Variants in SLC35B2 observed in about 807,000 individuals in gnomAD.
SLC35B2 encodes adenosine 3'-phospho 5'-phosphosulfate transporter 1.
In SLC35B2, 19 loss-of-function variants were observed where a neutral mutation model predicts 37.9. That is an observed-to-expected ratio of 0.50 (90% CI 0.35 to 0.74). SLC35B2 has a LOEUF of 0.74. SLC35B2 is among the 30% of genes least tolerant of loss of function. The probability of loss-of-function intolerance (pLI) is 0.01; values close to 1 mark genes in which losing one functional copy is unlikely to be tolerated. For synonymous variants in SLC35B2, 277 were observed against 225.2 expected (o/e 1.23, Z -2.06); for missense variants, 633 against 547.6 (o/e 1.16, Z -1.56).
At position 44,254,755 on chromosome 6, in the gene SLC35B2, T is replaced by TG; in HGVS notation, c.1249dup (p.Gln417ProfsTer10). ...AACAGGCACAGCCTTCTTTCCCCGT[T>TG]GCTTTAGACGGCCCCGCGCGTAGAC... On this transcript the variant is annotated frameshift_variant, in exon 4 of 4. Coordinates refer to ENST00000393812, the MANE Select transcript of SLC35B2 (RefSeq NM_178148.4). LOFTEE classifies it high-confidence loss of function. 6.2e-7 allele frequency: 1 copy of TG among 1,614,048 alleles called. No individual in the cohort carries two copies. The highest frequency in any genetic ancestry group is 8.5e-7 in the Non-Finnish European group (1 of 1,179,932).
chr6:44,254,860 GA>G lies in SLC35B2; in HGVS notation c.1144del (p.Ser382ProfsTer34). 6.2e-7 allele frequency: 1 copy of G among 1,614,204 alleles called. No homozygotes were observed. The highest frequency in any genetic ancestry group is 8.5e-7 in the Non-Finnish European group (1 of 1,180,040). On this transcript the variant is annotated frameshift_variant, in exon 4 of 4. Coordinates refer to ENST00000393812, the MANE Select transcript of SLC35B2 (RefSeq NM_178148.4). LOFTEE classifies it high-confidence loss of function. ...TLRQAFAILL[S>X]CLLYGHTVTV... ...GACAGTGTGGCCATAGAGAAGGCAG[GA>G]AAGAAGGATGGCAAAGGCCTGGCGG... is the stretch of plus-strand genomic sequence containing the variant.
chr6:44,257,490 C>A lies in SLC35B2; in HGVS notation c.-80G>T. The A allele has an allele frequency of 4.1e-6, 5 of 1,214,194 alleles. No individual in the cohort carries two copies. Among genetic ancestry groups the A allele is most frequent in the Non-Finnish European group, 5.2e-6 (5 of 964,878 alleles). The allele number at this position is 1,214,194 out of a possible 1,614,324, so 75.2% of individuals were successfully genotyped here. A position where few individuals can be genotyped will look rare whatever the true frequency, so the allele number is the denominator to read the frequency against. On this transcript the variant is annotated 5_prime_UTR_variant, in exon 1 of 4. Coordinates refer to ENST00000393812, the MANE Select transcript of SLC35B2 (RefSeq NM_178148.4). ...CGCGCCCCCTGCGCTCCCGCCGCCGCCTCCAGGAGCGGCCAGCGAGCCAGC... is the reference window on the plus strand; with the variant it reads ...CGCGCCCCCTGCGCTCCCGCCGCCGACTCCAGGAGCGGCCAGCGAGCCAGC...
At position 44,254,134 on chromosome 6, in the gene SLC35B2, T is replaced by C. The variant is rs1022502049; in HGVS notation, c.*572A>G. On this transcript the variant is annotated 3_prime_UTR_variant, in exon 4 of 4. Transcript: ENST00000393812. ...AGTAATTTAATTTAATAAAATAAAA[T>C]TATAAGAGCAAAAAGTTACATTTCT... is the stretch of plus-strand genomic sequence containing the variant. The C allele has an allele frequency of 4.6e-5, 10 of 216,558 alleles. No individual in the cohort carries two copies. The highest frequency in any genetic ancestry group is 9.5e-5 in the Non-Finnish European group (10 of 105,666). The allele number at this position is 216,558 out of a possible 1,614,324, so 13.4% of individuals were successfully genotyped here.
Position 44,255,612 on chromosome 6 carries a change from T to C in SLC35B2, c.393A>G (p.Glu131=), listed in dbSNP as rs1329054722. The part of the protein sequence containing the change: ...VSYLTWGVLQ[E]RVMTRSYGAT... ...CCCCATAGCTGCGGGTCATCACTCTTTCCTGCAGCACACCCCAAGTCAGAT... is the reference window on the plus strand; with the variant it reads ...CCCCATAGCTGCGGGTCATCACTCTCTCCTGCAGCACACCCCAAGTCAGAT... Residue 131 remains glutamate, a synonymous_variant, in exon 4 of 4, where the codon GAA becomes GAG. Transcript: ENST00000393812. 1.9e-6 allele frequency: 3 copies of C among 1,613,886 alleles called. No individual in the cohort carries two copies. The highest frequency in any genetic ancestry group is 2.2e-5 in the South Asian group (2 of 91,082).
In SLC35B2 at chr6:44,255,620, G is replaced by A. The variant is rs1353608100; in HGVS notation, c.385C>T (p.Leu129=). 2.5e-6 allele frequency: 4 copies of A among 1,613,836 alleles called. No homozygotes were observed. The South Asian group carries it at 3.3e-5, about 13-fold the overall frequency. ...CTGCGGGTCATCACTCTTTCCTGCAGCACACCCCAAGTCAGATAAGACACC... is the reference window on the plus strand; with the variant it reads ...CTGCGGGTCATCACTCTTTCCTGCAACACACCCCAAGTCAGATAAGACACC... ...LQVSYLTWGV[L]QERVMTRSYG... The change falls in exon 4 of 4, where the codon CTG becomes TTG. Residue 129 remains leucine (L), a synonymous_variant. Coordinates refer to ENST00000393812, the MANE Select transcript of SLC35B2 (RefSeq NM_178148.4).
At position 44,254,892 on chromosome 6, in the gene SLC35B2, CATG is replaced by C. The variant is rs1478814014; in HGVS notation, c.1110_1112del (p.Ile370del). ...GGATGGCAAAGGCCTGGCGGAGGGT[CATG>C]ATGATGGTGAAGACGGCAGCCCCAA... On this transcript the variant is annotated inframe_deletion, in exon 4 of 4. Coordinates refer to ENST00000393812, the MANE Select transcript of SLC35B2 (RefSeq NM_178148.4). 2.4e-5 allele frequency: 39 copies of C among 1,614,186 alleles called. No homozygotes were observed. The highest frequency in any genetic ancestry group is 3.3e-5 in the Non-Finnish European group (39 of 1,180,038).
rs745447249 is a variant in SLC35B2, at chr6:44,256,381, C to A, written c.321G>T (p.Trp107Cys). Residue 107 changes from tryptophan (W) to cysteine (C), a missense_variant, in exon 3 of 4, where the codon TGG becomes TGT. Coordinates refer to ENST00000393812, the MANE Select transcript of SLC35B2 (RefSeq NM_178148.4). Reference sequence around the variant, plus strand: ...CACAGAAGAGCAGCTTCAGGGCCTGCCACATCGGGGTGGTCTCTGCCGCCT... The same window carrying A: ...CACAGAAGAGCAGCTTCAGGGCCTGACACATCGGGGTGGTCTCTGCCGCCT... ...RTEAAETTPM[W>C]QALKLLFCAT... The A allele has an allele frequency of 6.2e-7, 1 of 1,614,154 alleles. No individual in the cohort carries two copies. The highest frequency in any genetic ancestry group is 1.1e-5 in the South Asian group (1 of 91,078).
chr6:44,257,213 C>T, intron 1 of SLC35B2, 187 bp downstream of exon 1: 1 of 618,328 alleles, frequency 1.6e-6, no homozygotes. Flanking sequence ...GGTCCCCAGC[C>T]CCTCCGCCCG....
chr6:44,257,428 G>A lies in SLC35B2; in HGVS notation c.-18C>T. Reference sequence around the variant, plus strand: ...GCGTCCATGGTCCAGGCCGCGTGGGGTGGAGGGGGAACCGGGGAATGCGAG... The same window carrying A: ...GCGTCCATGGTCCAGGCCGCGTGGGATGGAGGGGGAACCGGGGAATGCGAG... On this transcript the variant is annotated 5_prime_UTR_variant, in exon 1 of 4. Transcript: ENST00000393812. 1 of 1,257,878 alleles carries A rather than the reference G, an allele frequency of 7.9e-7. No homozygotes were observed. Among genetic ancestry groups the A allele is most frequent in the African/African-American group, 1.5e-5 (1 of 64,878 alleles). The allele number at this position is 1,257,878 out of a possible 1,614,324, so 77.9% of individuals were successfully genotyped here.
In SLC35B2 at chr6:44,254,473, C is replaced by T. The variant is rs577753606; in HGVS notation, c.*233G>A. ...ACCCCAAACTCCCCAAAACCCCTCA[C>T]TGAGGACTGTCTACCCCCGGGGCTC... On this transcript the variant is annotated 3_prime_UTR_variant, in exon 4 of 4. Transcript: ENST00000393812. 116 of 533,264 alleles carry T rather than the reference C, an allele frequency of 2.2e-4. No individual in the cohort carries two copies. The highest frequency in any genetic ancestry group is 2.1e-3 in the African/African-American group (110 of 52,834). 33.0% of individuals were successfully genotyped at this position (533,264 alleles called of 1,614,324 possible). A position where few individuals can be genotyped will look rare whatever the true frequency, so the allele number is the denominator to read the frequency against.
intron 3 of SLC35B2, among the ~76,000 whole-genome samples, chr6:44,255,990 C>T (rs1351984974): frequency 4.3e-5 from 5 of 116,010 alleles, no homozygotes; most frequent in African/African-American, 1.7e-4. Context: ...AATGGCTCCC[C>T]CACAATTTTA....
Position 44,255,036 on chromosome 6 carries a change from G to A in SLC35B2, c.969C>T (p.Ala323=). 1 of 1,614,196 alleles carries A rather than the reference G, an allele frequency of 6.2e-7. No individual in the cohort carries two copies. The highest frequency in any genetic ancestry group is 1.3e-5 in the African/African-American group (1 of 75,052). The change falls in exon 4 of 4, where the codon GCC becomes GCT. Residue 323 remains alanine, a synonymous_variant. Coordinates refer to ENST00000393812, the MANE Select transcript of SLC35B2 (RefSeq NM_178148.4). ...CCATGAAGCGGGTTCCCTCCAGTAGGGCCCCCTGTTCTAGCAGTGAGCCCA... is the reference window on the plus strand; with the variant it reads ...CCATGAAGCGGGTTCCCTCCAGTAGAGCCCCCTGTTCTAGCAGTGAGCCCA... ...FTVGSLLEQG[A]LLEGTRFMGR...
At chr6:44,257,567 G>T, upstream of SLC35B2, 2 of 623,352 alleles carry the variant, frequency 3.2e-6, no homozygotes, top group South Asian at 7.7e-5. Context: ...GGCCCCCTCC[G>T]CCCCTGCCGC....
In SLC35B2 at chr6:44,255,987, C is replaced by T. The variant is rs372829390; in HGVS notation, c.361-343G>A. Among the ~76,000 whole-genome samples, 184 of 117,640 alleles carry T rather than the reference C, an allele frequency of 1.6e-3. 3 individuals are homozygous for T. The South Asian group carries it at 0.031, about 20-fold the overall frequency. The allele number at this position is 117,640 out of a possible 152,430, so 77.2% of individuals were successfully genotyped here. ...AGTACTGGGGGAAGGCTGAATGGCTCCCCCACAATTTTATCAGTGGGTTTA... is the reference window on the plus strand; with the variant it reads ...AGTACTGGGGGAAGGCTGAATGGCTTCCCCACAATTTTATCAGTGGGTTTA... On this transcript the variant is annotated intron_variant, in intron 3 of 3. Transcript: ENST00000393812.
rs145346375 is a variant in SLC35B2, at chr6:44,255,615, C to T, written c.390G>A (p.Gln130=). Residue 130 remains glutamine, a synonymous_variant, in exon 4 of 4, where the codon CAG becomes CAA. Transcript: ENST00000393812. ...QVSYLTWGVL[Q]ERVMTRSYGA... ...CATAGCTGCGGGTCATCACTCTTTC[C>T]TGCAGCACACCCCAAGTCAGATAAG... 38 of 1,613,838 alleles carry T rather than the reference C, an allele frequency of 2.4e-5. No individual in the cohort carries two copies. The highest frequency in any genetic ancestry group is 5.9e-6 in the Non-Finnish European group (7 of 1,179,982).
intron 1 of SLC35B2, 92 bp from the exon 2 acceptor site, chr6:44,256,970 C>A: frequency 3.8e-6 from 5 of 1,303,004 alleles, no homozygotes; most frequent in Non-Finnish European, 5.2e-6. Flanking sequence ...CCCGGAGTCT[C>A]CTCCCCGCCC....
intron 2 of SLC35B2, 62 bp downstream of exon 2, chr6:44,256,623 G>A: frequency 1.2e-6 from 2 of 1,611,562 alleles, no homozygotes. Flanking sequence ...ATCCCGTTTG[G>A]ACTGCTGGCC....
intron 1 of SLC35B2, chr6:44,257,091 T>C (rs1583004476): frequency 1.6e-6 from 1 of 614,822 alleles, no homozygotes; most frequent in Non-Finnish European, 2.7e-6. Flanking sequence ...CGGGGGCGGA[T>C]CCGCCCCTCT....
At position 44,257,512 on chromosome 6, in the gene SLC35B2, C is replaced by T; in HGVS notation, c.-102G>A. 1 of 1,138,844 alleles carries T rather than the reference C, an allele frequency of 8.8e-7. No homozygotes were observed. Among genetic ancestry groups the T allele is most frequent in the Non-Finnish European group, 1.1e-6 (1 of 901,110 alleles). 70.5% of individuals were successfully genotyped at this position (1,138,844 alleles called of 1,614,324 possible). A position where few individuals can be genotyped will look rare whatever the true frequency, so the allele number is the denominator to read the frequency against. On this transcript the variant is annotated 5_prime_UTR_variant, in exon 1 of 4. Coordinates refer to ENST00000393812, the MANE Select transcript of SLC35B2 (RefSeq NM_178148.4). The stretch of plus-strand genomic sequence containing the variant: ...CCGCCTCCAGGAGCGGCCAGCGAGC[C>T]AGCGGCCAGCGGAAGTGCCGCGCTC...
Sources: allele counts gnomAD v4.1 joint callset (sites outside exome capture counted in the v4.1 genomes callset), GRCh38; gene constraint gnomAD v4.1.1; transcripts MANE v1.5; gene names NCBI Gene and HGNC (gene_info 2026-07-23, HGNC 2026-07-21).